The following FSIP2 variants were observed in gnomAD, a reference collection of about 807,000 sequenced individuals.
FSIP2 encodes fibrous sheath interacting protein 2.
In FSIP2, 367 loss-of-function variants were observed where a neutral mutation model predicts 510.5. The ratio of observed to expected loss-of-function variants is 0.72; its 90% CI spans 0.66 to 0.78. FSIP2 has a LOEUF of 0.78. FSIP2 is among the 30% of genes least tolerant of loss of function. The pLI is 0.00. For synonymous variants in FSIP2, 2,601 were observed against 2,732.2 expected, an observed-to-expected ratio of 0.95 and a Z score of 1.50; for missense variants, 7,594 against 7,901.7, an observed-to-expected ratio of 0.96 and a Z score of 1.48.
rs1310449015 is a variant in FSIP2 at position 185,775,706 on chromosome 2, C to G, written c.1412-6999C>G. Among the ~76,000 whole-genome samples, 3 of 152,164 alleles carry G rather than the reference C, an allele frequency of 2.0e-5. No homozygotes were observed. In the East Asian group the frequency reaches 5.8e-4, roughly 29 times the overall value. ...TTTCATGGAGCCTCATTCTCTCACC[C>G]AGGCTGAAGTACAGTGGTGCAATCT... On this transcript the variant is annotated intron_variant, in intron 13 of 22. Transcript: ENST00000424728.
At chr2:185,788,610 C>A in intron 15 of FSIP2, 33 bp from the exon 16 acceptor site, 1 of 1,417,892 alleles carries the variant, frequency 7.1e-7, no homozygotes, top group Non-Finnish European at 9.2e-7. Context: ...TGTTACATGA[C>A]TTTATTTTCA....
At chr2:185,737,827 G>A (rs1691815925), upstream of FSIP2, among the ~76,000 whole-genome samples, 1 of 152,074 alleles carries the variant, frequency 6.6e-6, no homozygotes, top group Admixed American at 6.5e-5. Flanking sequence ...GCACATGTGT[G>A]GAATTACAAC....
At chr2:185,817,814 G>T (rs1396864263) in intron 19 of FSIP2, among the ~76,000 whole-genome samples, 1 of 151,954 alleles carries the variant, frequency 6.6e-6, no homozygotes, top group Non-Finnish European at 1.5e-5. Flanking sequence ...TTCAAGAATT[G>T]TAGGTAGACA....
At chr2:185,798,907 A>C (rs1693360889) in intron 16 of FSIP2, among the ~76,000 whole-genome samples, 1 of 151,804 alleles carries the variant, frequency 6.6e-6, no homozygotes, top group Non-Finnish European at 1.5e-5. Context: ...CTGTATCTTG[A>C]CATGGCCAAA....
In FSIP2 at chr2:185,807,780, C is replaced by T; in HGVS notation, c.18474C>T (p.Phe6158=). 6.2e-7 allele frequency: 1 copy of T among 1,612,472 alleles called. No individual in the cohort carries two copies. Among genetic ancestry groups the T allele is most frequent in the South Asian group, 1.1e-5 (1 of 90,972 alleles). ...NIVEKILKDV[F]QTTDVPLPKP... ...TTGAAAAGATCCTTAAAGATGTTTT[C>T]CAAACTACTGATGTGCCCCTACCTA... The change falls in exon 17 of 23, where the codon TTC becomes TTT. Residue 6158 remains phenylalanine, a synonymous_variant. Transcript: ENST00000424728.
chr2:185,795,326 G>C lies in FSIP2; in HGVS notation c.8190G>C (p.Leu2730Phe). The change falls in exon 16 of 23, where the codon TTG becomes TTC. Residue 2730 changes from leucine (L) to phenylalanine (F), a missense_variant. Physicochemically the swap from Leu to Phe is conservative, Grantham distance 22. Coordinates refer to ENST00000424728, the MANE Select transcript of FSIP2 (RefSeq NM_173651.4). Reference protein sequence around the residue: ...GDAKNLLDTKLPTSELKIYAK... With the variant: ...GDAKNLLDTKFPTSELKIYAK... ...CCAAAAATTTACTGGACACAAAATT[G>C]CCCACTTCAGAACTAAAAATATATG... is the stretch of plus-strand genomic sequence containing the variant. 6.5e-7 allele frequency: 1 copy of C among 1,534,786 alleles called. No homozygotes were observed. Among genetic ancestry groups the C allele is most frequent in the Non-Finnish European group, 8.7e-7 (1 of 1,146,132 alleles).
Position 185,793,049 on chromosome 2 carries a change from T to A in FSIP2, c.5913T>A (p.Tyr1971Ter). Residue 1971 changes from tyrosine to a stop codon, truncating the protein, a stop_gained, in exon 16 of 23, where the codon TAT becomes TAA. Coordinates refer to ENST00000424728, the MANE Select transcript of FSIP2 (RefSeq NM_173651.4). LOFTEE classifies it high-confidence loss of function. ...LSKALSAKDS[Y>*]SDEQFSCCSV... ...AAGCATTATCAGCCAAAGATTCATA[T>A]TCTGATGAGCAATTTTCCTGTTGCT... 1 of 1,534,346 alleles carries A rather than the reference T, an allele frequency of 6.5e-7. No homozygotes were observed. Among genetic ancestry groups the A allele is most frequent in the Non-Finnish European group, 8.7e-7 (1 of 1,145,656 alleles).
In FSIP2 at chr2:185,792,901, A is replaced by G. The variant is rs775096170; in HGVS notation, c.5765A>G (p.Gln1922Arg). Residue 1922 changes from glutamine (Q) to arginine (R), a missense_variant, in exon 16 of 23, where the codon CAG (glutamine) becomes CGG (arginine). By Grantham distance (43) the Gln-to-Arg change is conservative. Transcript: ENST00000424728. ...GTAAATCTAGCTGAAGATATTGTAC[A>G]GGCAATATTAACAAATTTAGAAACT... ...TKVNLAEDIVQAILTNLETFA... is the reference protein window; with the variant it reads ...TKVNLAEDIVRAILTNLETFA... The G allele has an allele frequency of 7.8e-5, 119 of 1,533,528 alleles. No individual in the cohort carries two copies. Among genetic ancestry groups the G allele is most frequent in the Non-Finnish European group, 1.0e-4 (114 of 1,145,138 alleles). 95.0% of individuals were successfully genotyped at this position (1,533,528 alleles called of 1,614,324 possible).
At position 185,804,038 on chromosome 2, in the gene FSIP2, T is replaced by G; in HGVS notation, c.14732T>G (p.Phe4911Cys). 6.6e-7 allele frequency: 1 copy of G among 1,512,068 alleles called. No homozygotes were observed. Among genetic ancestry groups the G allele is most frequent in the Non-Finnish European group, 8.8e-7 (1 of 1,133,756 alleles). 93.7% of individuals were successfully genotyped at this position (1,512,068 alleles called of 1,614,324 possible). Residue 4911 changes from phenylalanine to cysteine, a missense_variant, in exon 17 of 23, where the codon TTT (phenylalanine) becomes TGT (cysteine). Phe to Cys is a radical substitution (Grantham distance 205, BLOSUM62 -2). Transcript: ENST00000424728. ...KEIFNHHIQS[F>C]LSEDKTLLLA... ...ATCTTTAACCATCATATTCAATCAT[T>G]TTTATCTGAAGATAAAACTCTCCTT...
Position 185,788,642 on chromosome 2 carries a change from G to A in FSIP2, c.1507-1G>A. 6.7e-7 allele frequency: 1 copy of A among 1,482,566 alleles called. No individual in the cohort carries two copies. 91.8% of individuals were successfully genotyped at this position (1,482,566 alleles called of 1,614,324 possible). On this transcript the variant is annotated splice_acceptor_variant, in intron 15 of 22. Transcript: ENST00000424728. LOFTEE classifies it high-confidence loss of function. ...TTCATCTCTGCTTACCTCCTTTCCA[G>A]GTAACTTCTGAAGAACTGAATATTA... is the stretch of plus-strand genomic sequence containing the variant.
At chr2:185,824,400 C>T in intron 19 of FSIP2, 34 bp from the exon 20 acceptor site, 1 of 1,457,022 alleles carries the variant, frequency 6.9e-7, no homozygotes, top group Non-Finnish European at 9.5e-7. Flanking sequence ...TTATCAAATT[C>T]ACCCTAAATG....
At position 185,794,437 on chromosome 2, in the gene FSIP2, A is replaced by G; in HGVS notation, c.7301A>G (p.Glu2434Gly). 1.3e-6 allele frequency: 2 copies of G among 1,510,188 alleles called. No homozygotes were observed. Among genetic ancestry groups the G allele is most frequent in the Non-Finnish European group, 1.8e-6 (2 of 1,136,942 alleles). The allele number at this position is 1,510,188 out of a possible 1,614,324, so 93.5% of individuals were successfully genotyped here. ...AATGAAATATTGCTGGGTCACAAAG[A>G]GAAGGAAAGAAGTACCAAACAATCT... ...LSNEILLGHK[E>G]KERSTKQSLF... The change falls in exon 16 of 23, where the codon GAG (glutamate) becomes GGG (glycine). Residue 2434 changes from glutamate to glycine, a missense_variant. Transcript: ENST00000424728.
intron 13 of FSIP2, 128 bp from the exon 14 acceptor site, chr2:185,782,577 T>G: frequency 1.5e-6 from 1 of 653,744 alleles, no homozygotes; most frequent in Non-Finnish European, 2.7e-6. Flanking sequence ...GACTTCACTG[T>G]GGAGAGTCCC....
At position 185,792,851 on chromosome 2, in the gene FSIP2, C is replaced by T; in HGVS notation, c.5715C>T (p.Phe1905=). ...DENPCTFQSR[F]SVADKETKVN... is the part of the protein sequence containing the mutation. ...ATCCATGTACTTTTCAGTCTAGATT[C>T]AGCGTTGCTGACAAGGAGACAAAGG... is the stretch of plus-strand genomic sequence containing the variant. The change falls in exon 16 of 23, where the codon TTC becomes TTT. Residue 1905 remains phenylalanine, a synonymous_variant. Transcript: ENST00000424728. The T allele has an allele frequency of 6.5e-7, 1 of 1,534,406 alleles. No individual in the cohort carries two copies. Among genetic ancestry groups the T allele is most frequent in the Non-Finnish European group, 8.7e-7 (1 of 1,145,746 alleles).
rs1693065813 is a variant in FSIP2 at position 185,789,441 on chromosome 2, G to A, written c.2305G>A (p.Ala769Thr). Residue 769 changes from alanine (A) to threonine (T), a missense_variant, in exon 16 of 23, where the codon GCA becomes ACA. Ala to Thr is a moderately conservative substitution (Grantham distance 58). Transcript: ENST00000424728. ...VENMLEKLES[A>T]VEKKCVEMFS... ...AAATATGCTTGAGAAGTTAGAGTCT[G>A]CAGTTGAGAAAAAATGTGTTGAGAT... 12 of 1,534,692 alleles carry A rather than the reference G, an allele frequency of 7.8e-6. No individual in the cohort carries two copies. The highest frequency in any genetic ancestry group is 1.0e-5 in the Non-Finnish European group (12 of 1,145,842).
chr2:185,747,244 T>G (rs1692052099), intron 6 of FSIP2, 69 bp from the exon 7 acceptor site: 8 of 868,308 alleles, frequency 9.2e-6, no homozygotes, highest in Non-Finnish European at 1.4e-5. Context: ...TACTTTTTGG[T>G]GGGACAAAAT....
In FSIP2 at chr2:185,802,730, T is replaced by C. The variant is rs939703550; in HGVS notation, c.13424T>C (p.Val4475Ala). The C allele has an allele frequency of 3.0e-5, 45 of 1,515,236 alleles. 1 individual carries two copies. The highest frequency in any genetic ancestry group is 3.8e-5 in the Non-Finnish European group (43 of 1,139,040). The allele number at this position is 1,515,236 out of a possible 1,614,324, so 93.9% of individuals were successfully genotyped here. A position where few individuals can be genotyped will look rare whatever the true frequency, so the allele number is the denominator to read the frequency against. Reference protein sequence around the residue: ...PYTFLEDMIRVLLSKLFSSAS... With the variant: ...PYTFLEDMIRALLSKLFSSAS... ...ACATTTTTAGAAGATATGATCAGAG[T>C]ACTATTATCTAAATTATTTTCTTCT... Residue 4475 changes from valine to alanine, a missense_variant, in exon 17 of 23, where the codon GTA becomes GCA. Coordinates refer to ENST00000424728, the MANE Select transcript of FSIP2 (RefSeq NM_173651.4).
At chr2:185,748,950 TATC>T (rs1197839200) in intron 7 of FSIP2, among the ~76,000 whole-genome samples, 1 of 152,130 alleles carries the variant, frequency 6.6e-6, no homozygotes, top group Admixed American at 6.6e-5. Flanking sequence ...AATTATGTCT[TATC>T]ATAGTTTAGA....
At chr2:185,771,615 C>G (rs1119051) in intron 13 of FSIP2, among the ~76,000 whole-genome samples, 82,726 of 151,976 alleles carry the variant, frequency 0.54, 22,784 homozygotes, top group South Asian at 0.64. Flanking sequence ...TAAAACCATT[C>G]TTTCCTCCTA....
Sources: gnomAD v4.1 joint callset for allele counts (sites outside exome capture counted in the v4.1 genomes callset) on GRCh38, gnomAD v4.1.1 for gene constraint, MANE v1.5 for transcripts, NCBI Gene and HGNC (gene_info 2026-07-23, HGNC 2026-07-21) for gene names.